HIP1: variants seen among roughly 807,000 people sequenced by gnomAD.
HIP1 encodes the protein huntingtin interacting protein 1, also known as huntingtin-interacting protein 1.
In HIP1, 65 loss-of-function variants were observed where a neutral mutation model predicts 147.6. That is an observed-to-expected ratio of 0.44 (90% CI 0.36 to 0.54). The LOEUF is 0.54. Ranked by LOEUF, HIP1 falls within the 20% of genes least tolerant of loss-of-function variation. The pLI is 0.00. For synonymous variants in HIP1, 479 were observed against 504.0 expected, an observed-to-expected ratio of 0.95 and a Z score of 0.67; for missense variants, 1,061 against 1,299.6, an observed-to-expected ratio of 0.82 and a Z score of 2.82.
chr7:75,664,245 A>G (rs1445040341), intron 1 of HIP1, among the ~76,000 whole-genome samples: 1 of 139,854 alleles, frequency 7.2e-6, no homozygotes, highest in Non-Finnish European at 1.6e-5. Flanking sequence ...ACATACACAT[A>G]CTATATACAC....
chr7:75,644,738 A>C (rs1438638932), intron 1 of HIP1, among the ~76,000 whole-genome samples: 1 of 152,176 alleles, frequency 6.6e-6, no homozygotes, highest in Non-Finnish European at 1.5e-5. Flanking sequence ...TGCCCAGCTG[A>C]GCTGTGGAGG....
intron 1 of HIP1, among the ~76,000 whole-genome samples, chr7:75,660,803 C>T (rs1015380787): frequency 2.6e-5 from 4 of 152,008 alleles, no homozygotes; most frequent in East Asian, 1.9e-4. Flanking sequence ...CCAACAATAC[C>T]GCCAAAGCAA....
intron 7 of HIP1, among the ~76,000 whole-genome samples, chr7:75,580,691 A>G (rs1236464886): frequency 2.0e-5 from 3 of 152,012 alleles, no homozygotes; most frequent in African/African-American, 7.2e-5. Context: ...AGTGAGCCGT[A>G]ACATGCCACT....
chr7:75,653,953 A>G (rs1799070558), intron 1 of HIP1, among the ~76,000 whole-genome samples: 1 of 152,188 alleles, frequency 6.6e-6, no homozygotes, highest in Non-Finnish European at 1.5e-5. Context: ...AGTGCTGGGC[A>G]CACAAGGTCT....
chr7:75,591,907 G>A (rs1457849311), intron 4 of HIP1, 149 bp downstream of exon 4: 3 of 735,272 alleles, frequency 4.1e-6, no homozygotes, highest in African/African-American at 3.4e-5. Flanking sequence ...TACTCTTTGG[G>A]GGCATCCTTA....
chr7:75,608,398 T>C (rs782799762), intron 1 of HIP1, among the ~76,000 whole-genome samples: 1 of 152,208 alleles, frequency 6.6e-6, no homozygotes, highest in African/African-American at 2.4e-5. Flanking sequence ...CATGCAAGTC[T>C]GATCTCTCTG....
At chr7:75,670,495 G>A (rs1799700227) in intron 1 of HIP1, among the ~76,000 whole-genome samples, 1 of 151,960 alleles carries the variant, frequency 6.6e-6, no homozygotes, top group African/African-American at 2.4e-5. Context: ...ACCATTCAGT[G>A]GTACTAAATA....
intron 1 of HIP1, among the ~76,000 whole-genome samples, chr7:75,693,607 G>A (rs1442440156): frequency 1.3e-5 from 2 of 152,056 alleles, no homozygotes; most frequent in African/African-American, 2.4e-5. Flanking sequence ...CAGCGCGGTT[G>A]CTCACATGTG....
intron 1 of HIP1, among the ~76,000 whole-genome samples, chr7:75,701,043 G>C (rs1554519144): frequency 6.6e-6 from 1 of 152,104 alleles, no homozygotes; most frequent in African/African-American, 2.4e-5. Context: ...AAACAAGAAT[G>C]ACTGCTGTAG....
chr7:75,693,560 C>T (rs2269889), intron 1 of HIP1, among the ~76,000 whole-genome samples: 80,689 of 151,778 alleles, frequency 0.53, 21,918 homozygotes, highest in African/African-American at 0.62. Flanking sequence ...AGTTGTTTAG[C>T]TGGGTATGAA....
chr7:75,608,454 A>AT (rs1797308503), intron 1 of HIP1, among the ~76,000 whole-genome samples: 1 of 152,220 alleles, frequency 6.6e-6, no homozygotes, highest in Non-Finnish European at 1.5e-5. Context: ...CTCTACACAG[A>AT]TAAGGCCATG....
chr7:75,537,593 G>A lies in HIP1; in HGVS notation c.*579C>T, dbSNP rs148240151. On this transcript the variant is annotated 3_prime_UTR_variant, in exon 31 of 31. Coordinates refer to ENST00000336926, the MANE Select transcript of HIP1 (RefSeq NM_005338.7). ...GGAAATCCATGGCACTGCCCAAAGAGGGGGAGAATGGCTTTGGCATTCACA... is the reference window on the plus strand; with the variant it reads ...GGAAATCCATGGCACTGCCCAAAGAAGGGGAGAATGGCTTTGGCATTCACA... 102 of 233,236 alleles carry A rather than the reference G, an allele frequency of 4.4e-4. No homozygotes were observed. The highest frequency in any genetic ancestry group is 2.1e-3 in the African/African-American group (96 of 45,430). 14.4% of individuals were successfully genotyped at this position (233,236 alleles called of 1,614,324 possible).
At chr7:75,597,557 T>C (rs1426825236) in intron 2 of HIP1, among the ~76,000 whole-genome samples, 4 of 151,952 alleles carry the variant, frequency 2.6e-5, no homozygotes, top group Non-Finnish European at 5.9e-5. Context: ...CTGAGCAACA[T>C]GGCAAAACCC....
At chr7:75,592,210 G>A in intron 3 of HIP1, 98 bp from the exon 4 acceptor site, 1 of 1,396,080 alleles carries the variant, frequency 7.2e-7, no homozygotes, top group Non-Finnish European at 1.0e-6. Context: ...TAGGGCAGGG[G>A]GACAGGCTGA....
At chr7:75,551,951 A>G (rs1342968575) in intron 22 of HIP1, among the ~76,000 whole-genome samples, 6 of 151,594 alleles carry the variant, frequency 4.0e-5, no homozygotes, top group African/African-American at 1.5e-4. Flanking sequence ...GTGCAAAGGC[A>G]CGATCTTAGC....
intron 4 of HIP1, among the ~76,000 whole-genome samples, chr7:75,591,447 A>G (rs1796498281): frequency 6.6e-6 from 1 of 152,052 alleles, no homozygotes; most frequent in Non-Finnish European, 1.5e-5. Flanking sequence ...TGACTGTGAT[A>G]TTGCCACCTA....
intron 19 of HIP1, among the ~76,000 whole-genome samples, chr7:75,555,102 G>C (rs996357785): frequency 6.7e-6 from 1 of 148,342 alleles, no homozygotes; most frequent in African/African-American, 2.5e-5. Context: ...GGGGAGGATT[G>C]TGTGAGCCCA....
At chr7:75,605,528 A>G (rs1797191726) in intron 1 of HIP1, among the ~76,000 whole-genome samples, 1 of 151,964 alleles carries the variant, frequency 6.6e-6, no homozygotes, top group Non-Finnish European at 1.5e-5. Context: ...GGAGGAAGCT[A>G]TTTTTGTTGT....
chr7:75,660,299 G>T (rs1464615438), intron 1 of HIP1, among the ~76,000 whole-genome samples: 1 of 151,548 alleles, frequency 6.6e-6, no homozygotes, highest in Non-Finnish European at 1.5e-5. Flanking sequence ...GGCTGAGGTG[G>T]GTGGATCACT....
Sources: gnomAD v4.1 joint callset for allele counts (sites outside exome capture counted in the v4.1 genomes callset) on GRCh38, gnomAD v4.1.1 for gene constraint, MANE v1.5 for transcripts, NCBI Gene and HGNC (gene_info 2026-07-23, HGNC 2026-07-21) for gene names.